KDM4C: variants seen among roughly 807,000 people sequenced by gnomAD.
KDM4C encodes lysine demethylase 4C.
A neutral mutation model predicts 129.3 loss-of-function variants in KDM4C; 81 were observed. That is an observed-to-expected ratio of 0.63 (90% CI 0.52 to 0.75). KDM4C has a LOEUF of 0.75. KDM4C is among the 30% of genes least tolerant of loss of function. The pLI, the probability that KDM4C is intolerant of heterozygous loss-of-function variation, is 0.00. For missense variants in KDM4C, 1,457 were observed against 1,304.0 expected (o/e 1.12, Z -1.81); for synonymous variants, 573 against 456.1 (o/e 1.26, Z -3.26).
Position 6,933,843 on chromosome 9 carries a change from T to C in KDM4C, c.921+40611T>C, listed in dbSNP as rs184856351. ...TTTTTTCCAGGTCTTCCTGATTTTT[T>C]ATTTTTATTTATTTATTTTTTTTTG... On this transcript the variant is annotated intron_variant, in intron 8 of 21. Coordinates refer to ENST00000381309, the MANE Select transcript of KDM4C (RefSeq NM_015061.6). Among the ~76,000 whole-genome samples, 310 of 152,024 alleles carry C rather than the reference T, an allele frequency of 2.0e-3. 1 individual carries two copies. The highest frequency in any genetic ancestry group is 7.2e-3 in the African/African-American group (298 of 41,506).
chr9:6,721,058 C>G, intron 1 of KDM4C: 1 of 1,394,334 alleles, frequency 7.2e-7, no homozygotes, highest in Non-Finnish European at 9.9e-7. Flanking sequence ...TTCTGTCACA[C>G]TTAAAGCAAT....
chr9:6,980,569 C>T (rs1816595612), intron 8 of KDM4C, among the ~76,000 whole-genome samples: 1 of 152,186 alleles, frequency 6.6e-6, no homozygotes, highest in Non-Finnish European at 1.5e-5. Context: ...CCCAGGTTTT[C>T]AGCTTTACAG....
chr9:7,047,629 G>A (rs1829596664), intron 16 of KDM4C, among the ~76,000 whole-genome samples: 1 of 151,948 alleles, frequency 6.6e-6, no homozygotes, highest in Non-Finnish European at 1.5e-5. Context: ...TTGCAGGCTG[G>A]CACTTGAGGG....
At chr9:6,931,100 A>C (rs1489799221) in intron 8 of KDM4C, among the ~76,000 whole-genome samples, 1 of 152,002 alleles carries the variant, frequency 6.6e-6, no homozygotes, top group Non-Finnish European at 1.5e-5. Context: ...CTCCATAGGC[A>C]CTTGGAACCC....
intron 4 of KDM4C, among the ~76,000 whole-genome samples, chr9:6,840,750 C>A (rs538762873): frequency 6.6e-6 from 1 of 152,334 alleles, no homozygotes; most frequent in Non-Finnish European, 1.5e-5. Context: ...TGGGCACCTT[C>A]CTTTCATCTG....
chr9:6,787,922 A>T (rs1398976969), intron 1 of KDM4C, among the ~76,000 whole-genome samples: 5 of 152,342 alleles, frequency 3.3e-5, no homozygotes, highest in African/African-American at 1.2e-4. Flanking sequence ...TCTCATGCAG[A>T]GTAAATGCCA....
intron 4 of KDM4C, among the ~76,000 whole-genome samples, chr9:6,833,750 CAG>C (rs1409214197): frequency 6.6e-6 from 1 of 152,182 alleles, no homozygotes; most frequent in East Asian, 1.9e-4. Context: ...CAAAGCAAGA[CAG>C]AAGTCTCCAG....
At chr9:7,061,576 G>C (rs1405938572) in intron 17 of KDM4C, among the ~76,000 whole-genome samples, 1 of 152,182 alleles carries the variant, frequency 6.6e-6, no homozygotes, top group African/African-American at 2.4e-5. Flanking sequence ...GTTCTCTAGA[G>C]AAGACTCGTC....
chr9:7,017,861 T>C (rs1823965492), intron 15 of KDM4C, among the ~76,000 whole-genome samples: 1 of 152,252 alleles, frequency 6.6e-6, no homozygotes, highest in South Asian at 2.1e-4. Flanking sequence ...GTATATTTAG[T>C]TCTCAGTAAG....
intron 15 of KDM4C, 150 bp downstream of exon 15, chr9:7,016,079 A>G (rs912229188): frequency 4.0e-6 from 2 of 502,384 alleles, no homozygotes; most frequent in Non-Finnish European, 7.2e-6. Flanking sequence ...TCTCAAAAGC[A>G]TCTTACCTGC....
chr9:6,744,345 G>A (rs1207632584), intron 1 of KDM4C, among the ~76,000 whole-genome samples: 1 of 152,064 alleles, frequency 6.6e-6, no homozygotes, highest in Non-Finnish European at 1.5e-5. Context: ...CTAACATGGT[G>A]AAACCGCATC....
chr9:6,771,080 CTTTTTTTTTTTTT>C (rs35945405), intron 1 of KDM4C, among the ~76,000 whole-genome samples: 16 of 56,970 alleles, frequency 2.8e-4, no homozygotes, highest in South Asian at 1.4e-3. Flanking sequence ...GACTGTGAAT[CTTTTTTTTTTTTT>C]TTTTTTTTTT....
chr9:6,906,065 A>G (rs1397354356), intron 8 of KDM4C, among the ~76,000 whole-genome samples: 4 of 152,128 alleles, frequency 2.6e-5, no homozygotes, highest in Admixed American at 6.5e-5. Context: ...GATGCAACAC[A>G]CTCTGTTTTC....
intron 17 of KDM4C, among the ~76,000 whole-genome samples, chr9:7,051,880 C>G (rs1186490368): frequency 1.3e-5 from 2 of 152,164 alleles, no homozygotes; most frequent in Non-Finnish European, 2.9e-5. Context: ...CTTGGCATTA[C>G]TGACATTTTA....
chr9:6,872,604 CCCTTTACCATTATGTAATG>C (rs1842947594), intron 5 of KDM4C, among the ~76,000 whole-genome samples: 1 of 152,128 alleles, frequency 6.6e-6, no homozygotes, highest in East Asian at 1.9e-4. Flanking sequence ...TTGCATTGAT[CCCTTTACCATTATGTAATG>C]CCTTCTTTGT....
chr9:6,843,670 T>C (rs10119707), intron 4 of KDM4C, among the ~76,000 whole-genome samples: 33,595 of 152,062 alleles, frequency 0.22, 3,726 homozygotes, highest in Middle Eastern at 0.27. Context: ...CAGCATTTGG[T>C]TGGAGAACTT....
intron 1 of KDM4C, among the ~76,000 whole-genome samples, chr9:6,782,670 G>T (rs902428967): frequency 3.3e-5 from 5 of 152,132 alleles, no homozygotes; most frequent in African/African-American, 1.2e-4. Flanking sequence ...TGGGCAAAAG[G>T]GGTCTTTGAG....
intron 8 of KDM4C, among the ~76,000 whole-genome samples, chr9:6,962,811 A>C (rs1344390361): frequency 6.6e-6 from 1 of 152,186 alleles, no homozygotes; most frequent in African/African-American, 2.4e-5. Context: ...TTAAAATCTC[A>C]TGTAATTACT....
At chr9:6,722,376 T>G (rs889611315) in intron 1 of KDM4C, among the ~76,000 whole-genome samples, 9 of 152,024 alleles carry the variant, frequency 5.9e-5, no homozygotes, top group African/African-American at 2.2e-4. Context: ...TACCCATCAG[T>G]GAATATTTAG....
Sources: allele counts gnomAD v4.1 joint callset (sites outside exome capture counted in the v4.1 genomes callset), GRCh38; gene constraint gnomAD v4.1.1; transcripts MANE v1.5; gene names NCBI Gene and HGNC (gene_info 2026-07-23, HGNC 2026-07-21).